CACNA1S: variants seen among roughly 807,000 people sequenced by gnomAD.
CACNA1S encodes the protein voltage-dependent L-type calcium channel subunit alpha-1S.
A neutral mutation model predicts 207.4 loss-of-function variants in CACNA1S; 126 were observed. That is an observed-to-expected ratio of 0.61 (90% CI 0.53 to 0.70). The LOEUF is 0.70. CACNA1S is among the 30% of genes least tolerant of loss of function. The pLI is 0.00. For missense variants in CACNA1S, 2,349 were observed against 2,422.8 expected (o/e 0.97, Z 0.64); for synonymous variants, 960 against 932.7 (o/e 1.03, Z -0.53).
intron 6 of CACNA1S, 83 bp downstream of exon 6, chr1:201,089,175 G>A (rs762766621): frequency 7.5e-7 from 1 of 1,327,466 alleles, no homozygotes. Flanking sequence ...CCTCCTGTGT[G>A]GACTGGCAAG....
At chr1:201,092,986 A>T (rs1662292610) in intron 3 of CACNA1S, among the ~76,000 whole-genome samples, 1 of 152,200 alleles carries the variant, frequency 6.6e-6, no homozygotes, top group Admixed American at 6.5e-5. Context: ...TCTGTTCTTT[A>T]GCCTCCTTAT....
Position 201,062,082 on chromosome 1 carries a change from T to C in CACNA1S, c.2915A>G (p.Tyr972Cys). 1 of 1,613,758 alleles carries C rather than the reference T, an allele frequency of 6.2e-7. No homozygotes were observed. The highest frequency in any genetic ancestry group is 2.2e-5 in the East Asian group (1 of 44,866). ...GGGGTCCCCGTCCTTGTACACGTAG[T>C]AGTAGCCCCTGTGGCAGGGAGGCCC... The part of the protein sequence containing the change: ...KMTEEECRGY[Y>C]YVYKDGDPMQ... The change falls in exon 24 of 44, where the codon TAC becomes TGC. Residue 972 changes from tyrosine to cysteine, a missense_variant. By Grantham distance (194) the Tyr-to-Cys change is radical (BLOSUM62 -2). Coordinates refer to ENST00000362061, the MANE Select transcript of CACNA1S (RefSeq NM_000069.3).
chr1:201,095,215 G>C (rs1662379488), intron 2 of CACNA1S, among the ~76,000 whole-genome samples: 1 of 151,066 alleles, frequency 6.6e-6, no homozygotes, highest in Non-Finnish European at 1.5e-5. Flanking sequence ...CACACATACA[G>C]ATCTATCCTG....
intron 10 of CACNA1S, among the ~76,000 whole-genome samples, chr1:201,078,517 C>CAAAAAAAAAAAAAAAAAAAAAAAAA (rs10581578): frequency 8.2e-6 from 1 of 121,726 alleles, no homozygotes; most frequent in Non-Finnish European, 1.7e-5. Context: ...AAATTAGCTT[C>CAAAAAAAAAAAAAAAAAAAAAAAAA]AAAAAAAAAA....
At chr1:201,052,122 T>G (rs927736855) in intron 32 of CACNA1S, among the ~76,000 whole-genome samples, 4 of 152,218 alleles carry the variant, frequency 2.6e-5, no homozygotes, top group Non-Finnish European at 4.4e-5. Context: ...CTCTAGCTCC[T>G]GTGCCCTGGC....
At chr1:201,058,738 T>C (rs548395625) in intron 27 of CACNA1S, among the ~76,000 whole-genome samples, 64 of 152,088 alleles carry the variant, frequency 4.2e-4, no homozygotes, top group African/African-American at 1.5e-3. Flanking sequence ...AGGGGAGAAT[T>C]GTTGGGAACT....
chr1:201,066,968 T>A lies in CACNA1S; in HGVS notation c.2576A>T (p.His859Leu). 2 of 1,614,116 alleles carry A rather than the reference T, an allele frequency of 1.2e-6. No individual in the cohort carries two copies. The highest frequency in any genetic ancestry group is 8.5e-7 in the Non-Finnish European group (1 of 1,179,960). ...GTAATTGCGGCAGAAGGAACCCTTG[T>A]GCAGGAAGGCTCCGTAGGTCGTCAT... ...LKMTTYGAFLHKGSFCRNYFN... is the reference protein window; with the variant it reads ...LKMTTYGAFLLKGSFCRNYFN... Residue 859 changes from histidine to leucine, a missense_variant, in exon 20 of 44, where the codon CAC becomes CTC. His to Leu is a moderately conservative substitution (Grantham distance 99, BLOSUM62 -3). Coordinates refer to ENST00000362061, the MANE Select transcript of CACNA1S (RefSeq NM_000069.3). This position sits in a 1 kb window ranked among gnomAD's most constrained non-coding sequence, Gnocchi z 4.3.
At chr1:201,088,439 C>T (rs1392831944) in intron 6 of CACNA1S, among the ~76,000 whole-genome samples, 1 of 152,174 alleles carries the variant, frequency 6.6e-6, no homozygotes, top group Non-Finnish European at 1.5e-5. Context: ...AAATAATTTG[C>T]TCTCCTAATA....
intron 37 of CACNA1S, 112 bp downstream of exon 37, chr1:201,047,413 C>T: frequency 8.1e-7 from 1 of 1,233,916 alleles, no homozygotes; most frequent in Non-Finnish European, 1.2e-6. Context: ...CTACCTAAGG[C>T]ATTTATGGAG....
chr1:201,059,162 A>T (rs559343533), intron 27 of CACNA1S, 27 bp downstream of exon 27: 6 of 1,461,972 alleles, frequency 4.1e-6, no homozygotes, highest in South Asian at 2.3e-5. Context: ...CCAGCTTCTC[A>T]TCTGGCCCGG....
chr1:201,057,818 TAAAAAA>T lies in CACNA1S; in HGVS notation c.3609+584_3609+589del, dbSNP rs1660899643. ...CTCTATATTTCAAAAACATATTTTT[TAAAAAA>T]GAAGTAGGACTCTAATCCTCCCACT... On this transcript the variant is annotated intron_variant, in intron 28 of 43. Coordinates refer to ENST00000362061, the MANE Select transcript of CACNA1S (RefSeq NM_000069.3). Among the ~76,000 whole-genome samples, 6 of 125,166 alleles carry T rather than the reference TAAAAAA, an allele frequency of 4.8e-5. No individual in the cohort carries two copies. In the South Asian group the frequency reaches 1.8e-3, roughly 37 times the overall value. 82.1% of individuals were successfully genotyped at this position (125,166 alleles called of 152,430 possible).
chr1:201,076,087 C>T (rs1661605193), intron 12 of CACNA1S, among the ~76,000 whole-genome samples: 3 of 152,146 alleles, frequency 2.0e-5, no homozygotes, highest in Admixed American at 2.0e-4. Context: ...AACAAAACCC[C>T]TATCCCAGTG....
chr1:201,092,795 T>C (rs1160672121), intron 3 of CACNA1S, among the ~76,000 whole-genome samples: 6 of 152,246 alleles, frequency 3.9e-5, no homozygotes, highest in Non-Finnish European at 8.8e-5. Context: ...AGAATTCTTC[T>C]ATTTTCTCTA....
chr1:201,077,305 C>A (rs1661665528), intron 11 of CACNA1S, among the ~76,000 whole-genome samples, 178 bp from the exon 12 acceptor site: 1 of 152,200 alleles, frequency 6.6e-6, no homozygotes, highest in African/African-American at 2.4e-5. Context: ...TCCTGCAGAG[C>A]ACTTGTCTGT....
intron 29 of CACNA1S, 48 bp downstream of exon 29, chr1:201,054,457 G>T: frequency 1.3e-6 from 2 of 1,582,768 alleles, no homozygotes; most frequent in Non-Finnish European, 8.7e-7. Context: ...AAGTGGCAGG[G>T]CAGGAGCTGG....
intron 2 of CACNA1S, among the ~76,000 whole-genome samples, chr1:201,095,410 T>A (rs1306849968): frequency 6.6e-6 from 1 of 152,140 alleles, no homozygotes; most frequent in Admixed American, 6.6e-5. Context: ...ACTGGGGAAC[T>A]GGGCACTCCA....
rs115307903 is a variant in CACNA1S, at chr1:201,041,003, C to T, written c.5135-290G>A. On this transcript the variant is annotated intron_variant, in intron 41 of 43. Transcript: ENST00000362061. ...GTCCTCTGTGGTCCCTGGGTGTGTG[C>T]ACATTAAAGTGAAAGTGTGTTGGGG... Among the ~76,000 whole-genome samples, 679 of 152,276 alleles carry T rather than the reference C, an allele frequency of 4.5e-3. 5 individuals are homozygous for T. The highest frequency in any genetic ancestry group is 0.015 in the African/African-American group (637 of 41,534).
In CACNA1S at chr1:201,041,595, A is replaced by T; in HGVS notation, c.5049-6T>A. The T allele has an allele frequency of 6.2e-7, 1 of 1,609,318 alleles. No individual in the cohort carries two copies. The highest frequency in any genetic ancestry group is 8.5e-7 in the Non-Finnish European group (1 of 1,175,622). ...ACTCCCTTTCATAGTGGACACTGAA[A>T]TGGAAGCAAGGCTGGGTGAACCAGA... On this transcript the variant is annotated splice_polypyrimidine_tract_variant and splice_region_variant and intron_variant, in intron 40 of 43. Transcript: ENST00000362061.
Position 201,110,225 on chromosome 1 carries a change from A to G in CACNA1S, c.197T>C (p.Val66Ala), listed in dbSNP as rs1663046954. The stretch of plus-strand genomic sequence containing the variant: ...CATGGGCAGGTACACGGCCAGGGCC[A>G]CACAATTGGCAAAGATGGTGAGCAA... ...IILLTIFANC[V>A]ALAVYLPMPE... Residue 66 changes from valine to alanine, a missense_variant, in exon 2 of 44, where the codon GTG (valine) becomes GCG (alanine). Transcript: ENST00000362061. 1 of 1,614,198 alleles carries G rather than the reference A, an allele frequency of 6.2e-7. No homozygotes were observed. The highest frequency in any genetic ancestry group is 1.1e-5 in the South Asian group (1 of 91,078).
Sources: gnomAD v4.1 joint callset for allele counts (sites outside exome capture counted in the v4.1 genomes callset) on GRCh38, gnomAD v4.1.1 for gene constraint, Gnocchi (gnomAD v3.1) non-coding constraint, MANE v1.5 for transcripts, NCBI Gene and HGNC (gene_info 2026-07-23, HGNC 2026-07-21) for gene names.